The following CNBD1 variants were observed in gnomAD, a reference collection of about 807,000 sequenced individuals.
CNBD1 encodes the protein cyclic nucleotide binding domain containing 1.
In CNBD1, 71 loss-of-function variants were observed where a neutral mutation model predicts 54.4. That is an observed-to-expected ratio of 1.30 (90% CI 1.08 to 1.59). CNBD1 has a LOEUF of 1.59. Ranked by LOEUF, CNBD1 falls within the 40% of genes most tolerant of loss-of-function variation. The pLI is 0.00. For missense variants in CNBD1, 659 were observed against 518.0 expected, an observed-to-expected ratio of 1.27 and a Z score of -2.64; for synonymous variants, 182 against 170.7, an observed-to-expected ratio of 1.07 and a Z score of -0.51.
chr8:86,918,159 C>G (rs766599667), intron 3 of CNBD1, among the ~76,000 whole-genome samples: 3 of 152,076 alleles, frequency 2.0e-5, no homozygotes, highest in Non-Finnish European at 4.4e-5. Flanking sequence ...TTAAAACATG[C>G]AATCCTAATT....
At chr8:87,013,639 GT>G (rs545260102) in intron 4 of CNBD1, among the ~76,000 whole-genome samples, 13 of 133,872 alleles carry the variant, frequency 9.7e-5, no homozygotes, top group African/African-American at 1.6e-4. Context: ...TTTGTTTTTT[GT>G]TTTTTTTTTG....
At chr8:87,023,846 T>C (rs1403699713) in intron 4 of CNBD1, among the ~76,000 whole-genome samples, 2 of 152,236 alleles carry the variant, frequency 1.3e-5, no homozygotes, top group African/African-American at 2.4e-5. Flanking sequence ...CATGGTTTGA[T>C]TGTTTATTAA....
At chr8:86,948,332 A>G (rs555491581) in intron 4 of CNBD1, among the ~76,000 whole-genome samples, 18 of 152,154 alleles carry the variant, frequency 1.2e-4, no homozygotes, top group Non-Finnish European at 1.9e-4. Flanking sequence ...AGGAACCTCA[A>G]TACTGTTATT....
chr8:87,285,150 G>C (rs2130870271), intron 7 of CNBD1, among the ~76,000 whole-genome samples: 1 of 152,192 alleles, frequency 6.6e-6, no homozygotes, highest in African/African-American at 2.4e-5. Flanking sequence ...CATATGCTAA[G>C]AATACTAGAA....
At chr8:87,113,759 A>G (rs1159797589) in intron 4 of CNBD1, among the ~76,000 whole-genome samples, 1 of 152,076 alleles carries the variant, frequency 6.6e-6, no homozygotes, top group African/African-American at 2.4e-5. Flanking sequence ...CTCTACTAAA[A>G]ATACAAAAAA....
intron 2 of CNBD1, among the ~76,000 whole-genome samples, chr8:87,409,043 G>C (rs576871215): frequency 6.6e-6 from 1 of 152,092 alleles, no homozygotes; most frequent in Non-Finnish European, 1.5e-5. Context: ...AGGAAGGGTT[G>C]CATTTCTTTT....
chr8:86,867,835 CTG>C (rs1456663656), intron 1 of CNBD1, among the ~76,000 whole-genome samples: 1 of 152,172 alleles, frequency 6.6e-6, no homozygotes, highest in African/African-American at 2.4e-5. Context: ...GTGCTACCCT[CTG>C]TAGTGCCTCC....
chr8:87,263,724 A>G (rs1808190792), intron 6 of CNBD1, among the ~76,000 whole-genome samples: 1 of 152,134 alleles, frequency 6.6e-6, no homozygotes, highest in Admixed American at 6.6e-5. Context: ...CTCCTAAAAG[A>G]GCTTAATGGA....
At chr8:87,358,385 A>C (rs1214675717) in intron 10 of CNBD1, among the ~76,000 whole-genome samples, 2 of 152,180 alleles carry the variant, frequency 1.3e-5, no homozygotes, top group African/African-American at 2.4e-5. Flanking sequence ...ACATTGCTTA[A>C]AAATAATTAC....
chr8:87,059,781 C>T (rs1056226552), intron 4 of CNBD1, among the ~76,000 whole-genome samples: 1 of 152,224 alleles, frequency 6.6e-6, no homozygotes, highest in Non-Finnish European at 1.5e-5. Context: ...GTGGGCACAG[C>T]CAGACCATAT....
chr8:87,074,428 T>C (rs1236283868), intron 4 of CNBD1, among the ~76,000 whole-genome samples: 3 of 152,012 alleles, frequency 2.0e-5, no homozygotes, highest in Admixed American at 6.6e-5. Context: ...CCTAGGGATA[T>C]GTACAGACAG....
chr8:86,964,088 G>A (rs1042851279), intron 4 of CNBD1, among the ~76,000 whole-genome samples: 1 of 3,772 alleles, frequency 2.7e-4, no homozygotes, highest in Non-Finnish European at 5.3e-4. Flanking sequence ...CACTTCCAGA[G>A]GTCCTCTATA....
At chr8:86,945,002 A>T (rs1052015327) in intron 4 of CNBD1, among the ~76,000 whole-genome samples, 2 of 152,190 alleles carry the variant, frequency 1.3e-5, no homozygotes, top group African/African-American at 4.8e-5. Context: ...TTGACCACTA[A>T]CATGATGGAG....
At chr8:86,887,183 G>T (rs1043759847) in intron 1 of CNBD1, among the ~76,000 whole-genome samples, 1 of 152,078 alleles carries the variant, frequency 6.6e-6, no homozygotes, top group Admixed American at 6.6e-5. Flanking sequence ...ACTCTTACTC[G>T]AATTGTCATG....
intron 6 of CNBD1, among the ~76,000 whole-genome samples, chr8:87,249,430 G>A (rs1807868901): frequency 6.6e-6 from 1 of 152,026 alleles, no homozygotes; most frequent in Non-Finnish European, 1.5e-5. Flanking sequence ...CAGGAGTCAG[G>A]GACCCTTAGG....
rs139389746 is a variant in CNBD1, at chr8:87,201,346, C to T, written c.432-4647C>T. Among the ~76,000 whole-genome samples the T allele has an allele frequency of 5.9e-3, 899 of 152,192 alleles. 10 individuals are homozygous for T. Among genetic ancestry groups the T allele is most frequent in the Middle Eastern group, 0.027 (8 of 294 alleles). ...AATACAAAGATATCTACTCTGGCCA[C>T]TTATATGTAACATTATAGTGAATGT... On this transcript the variant is annotated intron_variant, in intron 4 of 10. Coordinates refer to ENST00000518476, the MANE Select transcript of CNBD1 (RefSeq NM_173538.3).
At chr8:86,959,897 G>A (rs1563837800) in intron 4 of CNBD1, among the ~76,000 whole-genome samples, 3 of 152,076 alleles carry the variant, frequency 2.0e-5, no homozygotes, top group Non-Finnish European at 4.4e-5. Context: ...TCCGTTGTTG[G>A]CGAGGAGCTT....
At chr8:87,036,033 T>G (rs1042895257) in intron 4 of CNBD1, among the ~76,000 whole-genome samples, 1 of 152,060 alleles carries the variant, frequency 6.6e-6, no homozygotes, top group African/African-American at 2.4e-5. Context: ...GCAAGAGAAG[T>G]AGGGAAACGC....
At chr8:87,033,948 A>G (rs1188746209) in intron 4 of CNBD1, among the ~76,000 whole-genome samples, 1 of 152,066 alleles carries the variant, frequency 6.6e-6, no homozygotes, top group Non-Finnish European at 1.5e-5. Flanking sequence ...CTTGAATCAT[A>G]TTAGAGCTTA....
Sources: gnomAD v4.1 joint callset for allele counts (sites outside exome capture counted in the v4.1 genomes callset) on GRCh38, gnomAD v4.1.1 for gene constraint, MANE v1.5 for transcripts, NCBI Gene and HGNC (gene_info 2026-07-23, HGNC 2026-07-21) for gene names.